SEMA3C: variants seen among roughly 807,000 people sequenced by gnomAD.
SEMA3C encodes semaphorin 3C.
Under a neutral mutation model 89.4 loss-of-function variants are expected in SEMA3C, and 47 were observed. That is an observed-to-expected ratio of 0.53 (90% CI 0.42 to 0.67). SEMA3C has a LOEUF of 0.67. SEMA3C is among the 30% of genes least tolerant of loss of function. The pLI, the probability that SEMA3C is intolerant of heterozygous loss-of-function variation, is 0.00. For missense variants in SEMA3C, 839 were observed against 929.1 expected (o/e 0.90, Z 1.26); for synonymous variants, 310 against 320.2 (o/e 0.97, Z 0.34).
chr7:80,798,745 T>C (rs543545402), intron 10 of SEMA3C, among the ~76,000 whole-genome samples: 1 of 152,344 alleles, frequency 6.6e-6, no homozygotes, highest in Admixed American at 6.5e-5. Flanking sequence ...GTTTAGGTAC[T>C]TCCCCTGTTG....
chr7:80,892,568 CAAT>C (rs1484227328), intron 2 of SEMA3C, among the ~76,000 whole-genome samples: 11 of 151,978 alleles, frequency 7.2e-5, no homozygotes. Context: ...ACAACAACAA[CAAT>C]GTAGAGTACC....
At chr7:80,810,979 T>C (rs1321265591) in intron 5 of SEMA3C, among the ~76,000 whole-genome samples, 2 of 152,092 alleles carry the variant, frequency 1.3e-5, no homozygotes, top group Non-Finnish European at 2.9e-5. Flanking sequence ...CAAAAATCAC[T>C]TGAAAACCAA....
intron 2 of SEMA3C, among the ~76,000 whole-genome samples, chr7:80,886,862 T>C (rs866101147): frequency 4.1e-4 from 63 of 152,150 alleles, no homozygotes; most frequent in South Asian, 2.1e-4. Context: ...TAGTTAATAA[T>C]CTCACCAAGT....
At chr7:80,816,300 T>C (rs1789606144) in intron 5 of SEMA3C, 2 of 152,142 alleles carry the variant, frequency 1.3e-5, no homozygotes, top group African/African-American at 4.8e-5. Context: ...AACTGAATAA[T>C]TAAAGTAACT....
chr7:80,890,992 C>T (rs895951409), intron 2 of SEMA3C, among the ~76,000 whole-genome samples: 4 of 152,148 alleles, frequency 2.6e-5, no homozygotes, highest in African/African-American at 9.7e-5. Context: ...ATTCCAGGGC[C>T]TAGCACAATT....
chr7:80,901,767 T>C (rs901579578), intron 2 of SEMA3C, among the ~76,000 whole-genome samples: 2 of 152,236 alleles, frequency 1.3e-5, no homozygotes, highest in Non-Finnish European at 2.9e-5. Flanking sequence ...ATGAGTAACA[T>C]GTGTGTCTCT....
intron 2 of SEMA3C, among the ~76,000 whole-genome samples, chr7:80,900,661 C>T (rs971608981): frequency 5.9e-5 from 9 of 152,164 alleles, no homozygotes; most frequent in African/African-American, 2.2e-4. Flanking sequence ...CCTCAGCTAG[C>T]AGAGGTTGTG....
intron 12 of SEMA3C, among the ~76,000 whole-genome samples, chr7:80,772,218 C>A (rs898622098): frequency 2.6e-5 from 4 of 152,094 alleles, no homozygotes; most frequent in African/African-American, 9.7e-5. Context: ...TTAAAATACC[C>A]ATTCCTAATA....
At chr7:80,761,714 C>A in intron 13 of SEMA3C, 57 bp from the exon 14 acceptor site, 1 of 974,476 alleles carries the variant, frequency 1.0e-6, no homozygotes, top group East Asian at 2.8e-5. Context: ...AAGGATTTTA[C>A]ATTCAGATTT....
In SEMA3C at chr7:80,857,551, G is replaced by A. The variant is rs558708145; in HGVS notation, c.104-28806C>T. Among the ~76,000 whole-genome samples, 8 of 152,186 alleles carry A rather than the reference G, an allele frequency of 5.3e-5. No homozygotes were observed. The South Asian group carries it at 1.7e-3, about 32-fold the overall frequency. On this transcript the variant is annotated intron_variant, in intron 2 of 17. Coordinates refer to ENST00000265361, the MANE Select transcript of SEMA3C (RefSeq NM_006379.5). ...TTTGAAAATTGCTTATCAGGATTTT[G>A]TTTTAATTAGTAGCCATAAAGTGCT...
Position 80,828,640 on chromosome 7 carries a change from C to G in SEMA3C, c.209G>C (p.Ser70Thr). Residue 70 changes from serine to threonine, a missense_variant, in exon 3 of 18, where the codon AGC becomes ACC. Ser to Thr is a moderately conservative substitution (Grantham distance 58, BLOSUM62 1). Transcript: ENST00000265361. ...ATTCAGGGAAAGAATGTGATCTTTGCTTCCCACATATATCCGGTCCTGATC... is the reference window on the plus strand; with the variant it reads ...ATTCAGGGAAAGAATGTGATCTTTGGTTCCCACATATATCCGGTCCTGATC... ...DEDQDRIYVG[S>T]KDHILSLNIN... The G allele has an allele frequency of 6.2e-7, 1 of 1,611,916 alleles. No homozygotes were observed. The highest frequency in any genetic ancestry group is 8.5e-7 in the Non-Finnish European group (1 of 1,178,572).
chr7:80,873,062 A>G (rs535124910), intron 2 of SEMA3C, among the ~76,000 whole-genome samples: 1 of 152,244 alleles, frequency 6.6e-6, no homozygotes, highest in East Asian at 1.9e-4. Context: ...AGAAGGGAAC[A>G]AAGGGCAGGT....
At chr7:80,816,778 G>C (rs1162805624) in intron 5 of SEMA3C, among the ~76,000 whole-genome samples, 1 of 152,188 alleles carries the variant, frequency 6.6e-6, no homozygotes, top group Non-Finnish European at 1.5e-5. Flanking sequence ...CTTTTGAAGT[G>C]AGACTAAAGT....
Position 80,790,311 on chromosome 7 carries a change from AAGG to A in SEMA3C, c.1132-786_1132-784del, listed in dbSNP as rs1272743830. On this transcript the variant is annotated intron_variant, in intron 11 of 17. Coordinates refer to ENST00000265361, the MANE Select transcript of SEMA3C (RefSeq NM_006379.5). ...TAAAAAAAGGAAGAAGAAGAGAAAAAAGGAGGAGGAGGAGGAGAAAGGAGGAGG... is the reference window on the plus strand; with the variant it reads ...TAAAAAAAGGAAGAAGAAGAGAAAAAAGGAGGAGGAGGAGAAAGGAGGAGG... Among the ~76,000 whole-genome samples, 66 of 151,938 alleles carry A rather than the reference AAGG, an allele frequency of 4.3e-4. No homozygotes were observed. The East Asian group carries it at 0.011, about 25-fold the overall frequency.
intron 2 of SEMA3C, among the ~76,000 whole-genome samples, chr7:80,861,367 C>T (rs1475341833): frequency 1.3e-5 from 2 of 151,924 alleles, no homozygotes; most frequent in Non-Finnish European, 2.9e-5. Context: ...TTAAATTTGC[C>T]ACTTAATAGC....
intron 5 of SEMA3C, among the ~76,000 whole-genome samples, chr7:80,815,552 G>A (rs1279590472): frequency 1.6e-5 from 1 of 63,498 alleles, no homozygotes; most frequent in East Asian, 8.9e-4. Context: ...TCTTTAAATG[G>A]GCAAAAAAAA....
intron 2 of SEMA3C, among the ~76,000 whole-genome samples, chr7:80,880,306 T>C (rs1791302859): frequency 6.6e-6 from 1 of 152,182 alleles, no homozygotes; most frequent in African/African-American, 2.4e-5. Flanking sequence ...GAATAATTTA[T>C]TCATCATGTT....
chr7:80,898,824 CAA>C (rs34542451), intron 2 of SEMA3C, among the ~76,000 whole-genome samples: 1,663 of 109,374 alleles, frequency 0.015, 25 homozygotes, highest in African/African-American at 0.047. Context: ...TTTGTTTGAC[CAA>C]AAAAAAAAAA....
chr7:80,919,577 G>GT (rs1178867691), upstream of SEMA3C, among the ~76,000 whole-genome samples: 22 of 142,508 alleles, frequency 1.5e-4, no homozygotes, highest in African/African-American at 5.7e-4. Flanking sequence ...TTTGTTTTTT[G>GT]TTTTTTGTTT....
Sources: gnomAD v4.1 joint callset for allele counts (sites outside exome capture counted in the v4.1 genomes callset) on GRCh38, gnomAD v4.1.1 for gene constraint, MANE v1.5 for transcripts, NCBI Gene and HGNC (gene_info 2026-07-23, HGNC 2026-07-21) for gene names.